Variants in CELF2 observed in about 807,000 individuals in gnomAD.
CELF2 encodes CUGBP Elav-like family member 2, also known as CUG triplet repeat RNA-binding protein 2.
In CELF2, 8 loss-of-function variants were observed where a neutral mutation model predicts 62.6. The ratio of observed to expected loss-of-function variants is 0.13; its 90% CI spans 0.07 to 0.23. The LOEUF is 0.23. Among genes scored for constraint, CELF2 ranks in the 10% least tolerant of loss-of-function variants. The pLI is 1.00. For missense variants in CELF2, 333 were observed against 671.0 expected, an observed-to-expected ratio of 0.50 and a Z score of 5.56; for synonymous variants, 258 against 250.0, an observed-to-expected ratio of 1.03 and a Z score of -0.30.
the CELF2 span, among the ~76,000 whole-genome samples, chr10:10,493,800 G>A: frequency 6.6e-6 from 1 of 152,102 alleles, no homozygotes; most frequent in Non-Finnish European, 1.5e-5. Flanking sequence ...CCAAAGTGCT[G>A]GGATTACAGG....
In CELF2 at chr10:11,321,518, T is replaced by TA; in HGVS notation, c.1294+132_1294+133insA. On this transcript the variant is annotated intron_variant, in intron 11 of 12. Transcript: ENST00000633077. The surrounding 1 kb of genome is among the most constrained non-coding windows in gnomAD (Gnocchi z 6.2). The stretch of plus-strand genomic sequence containing the variant: ...AAAGCAGTTGTTTTGTTATTCATGT[T>TA]TAAAAAAAAAAAAAACTGAAAGCTG... 1.0e-5 allele frequency: 7 copies of TA among 682,518 alleles called. No homozygotes were observed. The highest frequency in any genetic ancestry group is 2.9e-5 in the East Asian group (1 of 34,758). 42.3% of individuals were successfully genotyped at this position (682,518 alleles called of 1,614,324 possible). A position where few individuals can be genotyped will look rare whatever the true frequency, so the allele number is the denominator to read the frequency against.
At chr10:10,692,046 C>T in the CELF2 span, among the ~76,000 whole-genome samples, 1 of 151,058 alleles carries the variant, frequency 6.6e-6, no homozygotes, top group Non-Finnish European at 1.5e-5. Flanking sequence ...TCTTTTGTTG[C>T]CATTGCTTTT....
intron 1 of CELF2, among the ~76,000 whole-genome samples, chr10:10,917,229 C>G (rs1431575406): frequency 2.0e-5 from 3 of 152,212 alleles, no homozygotes; most frequent in Non-Finnish European, 4.4e-5. Context: ...TCTTAGAGGC[C>G]TCAGCCTCTG....
chr10:10,648,626 C>T, the CELF2 span, among the ~76,000 whole-genome samples: 1 of 152,074 alleles, frequency 6.6e-6, no homozygotes, highest in Non-Finnish European at 1.5e-5. Flanking sequence ...CATGATAGAT[C>T]GTGTTCTGGA....
the CELF2 span, among the ~76,000 whole-genome samples, chr10:10,644,145 T>G: frequency 6.6e-6 from 1 of 152,212 alleles, no homozygotes; most frequent in African/African-American, 2.4e-5. Flanking sequence ...TACAGACTCA[T>G]GTCTCCTGTC....
At chr10:10,602,402 C>T in the CELF2 span, among the ~76,000 whole-genome samples, 1 of 152,122 alleles carries the variant, frequency 6.6e-6, no homozygotes, top group Admixed American at 6.5e-5. Context: ...TGTAGTCCCC[C>T]AAACCATCAA....
At position 11,302,122 on chromosome 10, in the gene CELF2, C is replaced by T. The variant is rs2093816914; in HGVS notation, c.977-12017C>T. Among the ~76,000 whole-genome samples the T allele has an allele frequency of 6.6e-6, 1 of 152,214 alleles. No individual in the cohort carries two copies. Among genetic ancestry groups the T allele is most frequent in the South Asian group, 2.1e-4 (1 of 4,828 alleles). ...TTTCTTTTCCTCTGGAAGAACAGAA[C>T]CGTAACTTACCACTCTCACCTAGTT... is the stretch of plus-strand genomic sequence containing the variant. On this transcript the variant is annotated intron_variant, in intron 9 of 12. Transcript: ENST00000633077. This position sits in a 1 kb window ranked among gnomAD's most constrained non-coding sequence, Gnocchi z 5.0.
At chr10:10,507,506 G>A in the CELF2 span, among the ~76,000 whole-genome samples, 1 of 152,186 alleles carries the variant, frequency 6.6e-6, no homozygotes, top group Non-Finnish European at 1.5e-5. Context: ...TTGGGGCTGG[G>A]AGTTGGAAGT....
chr10:11,214,163 A>G lies in CELF2; in HGVS notation c.272-3262A>G, dbSNP rs2062675752. Among the ~76,000 whole-genome samples the G allele has an allele frequency of 6.6e-6, 1 of 152,028 alleles. No homozygotes were observed. Among genetic ancestry groups the G allele is most frequent in the African/African-American group, 2.4e-5 (1 of 41,372 alleles). The stretch of plus-strand genomic sequence containing the variant: ...GTCAGGCATGGTAGCACACACCTGT[A>G]CTCCCAGGTACTCAGGGAAGGGGCA... On this transcript the variant is annotated intron_variant, in intron 2 of 12. Transcript: ENST00000633077. This position sits in a 1 kb window ranked among gnomAD's most constrained non-coding sequence, Gnocchi z 4.2.
chr10:11,199,449 T>G (rs1588898145), intron 2 of CELF2, among the ~76,000 whole-genome samples: 1 of 152,270 alleles, frequency 6.6e-6, no homozygotes, highest in South Asian at 2.1e-4. Context: ...ATGTCACACC[T>G]GCGAGCAGAG....
intron 1 of CELF2, among the ~76,000 whole-genome samples, chr10:11,147,193 T>G (rs994338857): frequency 2.0e-5 from 3 of 152,132 alleles, no homozygotes; most frequent in Non-Finnish European, 4.4e-5. Context: ...AAAGGGATGA[T>G]GGATTCAAGA....
upstream of CELF2, among the ~76,000 whole-genome samples, chr10:11,013,273 T>A (rs1272884092): frequency 6.6e-6 from 1 of 151,660 alleles, no homozygotes; most frequent in Admixed American, 6.6e-5. The surrounding 1 kb of genome is among the most constrained non-coding windows in gnomAD (Gnocchi z 4.1). Context: ...AAGAGAAAGC[T>A]GAGAAAGAAA....
rs936112031 is a variant in CELF2, at chr10:11,227,797, C to T, written c.354+10290C>T. The stretch of plus-strand genomic sequence containing the variant: ...CTACAACACTGTCACGCATCAGGGA[C>T]GAGGGTACCGAGTGAGAGCAAAGGA... On this transcript the variant is annotated intron_variant, in intron 3 of 12. Coordinates refer to ENST00000633077, the MANE Select transcript of CELF2 (RefSeq NM_001326342.2). The surrounding 1 kb of genome is among the most constrained non-coding windows in gnomAD (Gnocchi z 4.8). 7.2e-5 allele frequency among the ~76,000 whole-genome samples: 11 copies of T among 152,116 alleles called. No individual in the cohort carries two copies. The highest frequency in any genetic ancestry group is 3.3e-4 in the Admixed American group (5 of 15,268).
At chr10:10,930,919 T>C (rs2065989127) in intron 2 of CELF2, among the ~76,000 whole-genome samples, 1 of 152,228 alleles carries the variant, frequency 6.6e-6, no homozygotes, top group Non-Finnish European at 1.5e-5. Context: ...GATTTTGCTG[T>C]CCAATGAGCT....
chr10:10,607,694 A>G, the CELF2 span, among the ~76,000 whole-genome samples: 18 of 152,326 alleles, frequency 1.2e-4, no homozygotes, highest in African/African-American at 4.3e-4. Context: ...TGAGTGAATC[A>G]TTTTCAATTA....
rs10905907 is a variant in CELF2 at position 11,177,448 on chromosome 10, T to A, written c.271+11766T>A. Among the ~76,000 whole-genome samples, 58,879 of 151,018 alleles carry A rather than the reference T, an allele frequency of 0.39. 12,586 individuals are homozygous for A. The highest frequency in any genetic ancestry group is 0.81 in the East Asian group (4,153 of 5,138). On this transcript the variant is annotated intron_variant, in intron 2 of 12. Transcript: ENST00000633077. This position sits in a 1 kb window ranked among gnomAD's most constrained non-coding sequence, Gnocchi z 4.8. Reference sequence around the variant, plus strand: ...AAAAAAAAAAAAAGAGAAAATTAGGTTATTAAAAGGAGGATATGAACCAAA... The same window carrying A: ...AAAAAAAAAAAAAGAGAAAATTAGGATATTAAAAGGAGGATATGAACCAAA...
At chr10:10,926,980 C>T (rs1340600155) in intron 2 of CELF2, 1 of 152,182 alleles carries the variant, frequency 6.6e-6, no homozygotes, top group Non-Finnish European at 1.5e-5. Context: ...TCCAGGTTTC[C>T]CTCCTCTCTT....
chr10:11,116,074 C>T (rs911363903), intron 1 of CELF2, among the ~76,000 whole-genome samples: 5 of 152,164 alleles, frequency 3.3e-5, no homozygotes, highest in African/African-American at 1.2e-4. Flanking sequence ...TGGCCTTAAT[C>T]CTGTGGGACA....
At chr10:11,123,229 T>C (rs79448738) in intron 1 of CELF2, among the ~76,000 whole-genome samples, 1 of 151,890 alleles carries the variant, frequency 6.6e-6, no homozygotes, top group Non-Finnish European at 1.5e-5. Context: ...CAATTCTGAG[T>C]CAGGGTTTGT....
Sources: gnomAD v4.1 joint callset for allele counts (sites outside exome capture counted in the v4.1 genomes callset) on GRCh38, gnomAD v4.1.1 for gene constraint, Gnocchi (gnomAD v3.1) non-coding constraint, MANE v1.5 for transcripts, NCBI Gene and HGNC (gene_info 2026-07-23, HGNC 2026-07-21) for gene names.